AVL9: variants seen among roughly 807,000 people sequenced by gnomAD.
The protein encoded by AVL9 is AVL9 cell migration associated.
A neutral mutation model predicts 79.2 loss-of-function variants in AVL9; 49 were observed. That is an observed-to-expected ratio of 0.62 (90% confidence interval 0.49 to 0.79). AVL9 has a LOEUF of 0.79. Among genes scored for constraint, AVL9 ranks in the 30% least tolerant of loss-of-function variants. The pLI, the probability that AVL9 is intolerant of heterozygous loss-of-function variation, is 0.00. For synonymous variants in AVL9, 299 were observed against 280.6 expected (o/e 1.07, Z -0.65); for missense variants, 682 against 776.8 (o/e 0.88, Z 1.45).
chr7:32,531,633 A>G (rs2128128876), intron 1 of AVL9: 2 of 152,202 alleles, frequency 1.3e-5, no homozygotes, highest in Admixed American at 1.3e-4. Context: ...ACACGAGCGA[A>G]TGAGGTGGGA....
chr7:32,558,555 C>A lies in AVL9; in HGVS notation c.610-4C>A. 1 of 1,605,452 alleles carries A rather than the reference C, an allele frequency of 6.2e-7. No individual in the cohort carries two copies. Among genetic ancestry groups the A allele is most frequent in the Non-Finnish European group, 8.5e-7 (1 of 1,175,180 alleles). On this transcript the variant is annotated splice_region_variant and splice_polypyrimidine_tract_variant and intron_variant, in intron 8 of 15. Transcript: ENST00000318709. ...TAATTTGATTTTGATTGACTCCATT[C>A]CAGGTTCTTTTTTATATTTCTCCAG...
intron 8 of AVL9, among the ~76,000 whole-genome samples, chr7:32,556,289 T>C (rs1583570143): frequency 6.6e-6 from 1 of 151,974 alleles, no homozygotes; most frequent in Non-Finnish European, 1.5e-5. Context: ...CTAAGGTGGG[T>C]GATCACTTGA....
intron 1 of AVL9, among the ~76,000 whole-genome samples, chr7:32,522,347 C>T (rs2128124385): frequency 6.6e-6 from 1 of 152,322 alleles, no homozygotes; most frequent in East Asian, 1.9e-4. Context: ...TACCCAAGAC[C>T]ATGGGAACTC....
At chr7:32,548,066 A>G (rs1315085440) in intron 3 of AVL9, among the ~76,000 whole-genome samples, 1 of 152,224 alleles carries the variant, frequency 6.6e-6, no homozygotes, top group African/African-American at 2.4e-5. Flanking sequence ...GTGTCCAGGC[A>G]ACATGGAACA....
At chr7:32,517,494 C>T (rs757243455) in intron 1 of AVL9, among the ~76,000 whole-genome samples, 20 of 151,890 alleles carry the variant, frequency 1.3e-4, no homozygotes, top group East Asian at 1.2e-3. Flanking sequence ...TTAGTAGAGA[C>T]GGGGTTTCAC....
At chr7:32,497,654 T>A (rs1270525728) in intron 1 of AVL9, among the ~76,000 whole-genome samples, 1,538 of 54,554 alleles carry the variant, frequency 0.028, 29 homozygotes, top group African/African-American at 0.066. Flanking sequence ...CCATTAGTTC[T>A]TTTTTTTTTT....
At chr7:32,498,404 G>A (rs7793113) in intron 1 of AVL9, among the ~76,000 whole-genome samples, 111,778 of 151,890 alleles carry the variant, frequency 0.74, 41,396 homozygotes, top group South Asian at 0.85. Flanking sequence ...ATGCACCACC[G>A]TACCTGGCTA....
intron 3 of AVL9, among the ~76,000 whole-genome samples, chr7:32,548,151 C>CTTTTGTTTTCTTTTTGTTTTGT (rs71559236): frequency 7.6e-6 from 1 of 131,596 alleles, no homozygotes; most frequent in African/African-American, 3.1e-5. Context: ...TCTCTTTTTT[C>CTTTTGTTTTCTTTTTGTTTTGT]TTTTTTTTTT....
chr7:32,580,434 C>T (rs1041436806), intron 14 of AVL9, among the ~76,000 whole-genome samples, 162 bp downstream of exon 14: 20 of 152,142 alleles, frequency 1.3e-4, no homozygotes, highest in Non-Finnish European at 2.8e-4. Context: ...GTGTATGTTT[C>T]AAAGTGAGAA....
rs74624447 is a variant in AVL9 at position 32,560,879 on chromosome 7, A to T, written c.1215+1415A>T. On this transcript the variant is annotated intron_variant, in intron 10 of 15. Transcript: ENST00000318709. ...TGTGTTCCTAAGCATGAAAAACATT[A>T]ATCTCCTTGTACATCTTCATTAGAG... Among the ~76,000 whole-genome samples, 67 of 152,332 alleles carry T rather than the reference A, an allele frequency of 4.4e-4. No individual in the cohort carries two copies. The East Asian group carries it at 0.011, about 25-fold the overall frequency.
At chr7:32,534,552 G>A (rs950141688) in intron 1 of AVL9, 1 of 152,166 alleles carries the variant, frequency 6.6e-6, no homozygotes. Flanking sequence ...AGAATGAAGG[G>A]TGTAGGCCAG....
chr7:32,536,742 C>T (rs1218835447), intron 1 of AVL9: 1 of 152,174 alleles, frequency 6.6e-6, no homozygotes, highest in African/African-American at 2.4e-5. Context: ...ACTTTGCTAC[C>T]AATTCAGGGC....
rs1191859166 is a variant in AVL9, at chr7:32,568,184, A to C, written c.1216-1836A>C. Among the ~76,000 whole-genome samples, 3 of 149,220 alleles carry C rather than the reference A, an allele frequency of 2.0e-5. No individual in the cohort carries two copies. In the East Asian group the frequency reaches 5.9e-4, roughly 29 times the overall value. On this transcript the variant is annotated intron_variant, in intron 10 of 15. Coordinates refer to ENST00000318709, the MANE Select transcript of AVL9 (RefSeq NM_015060.3). ...CCAGCCCGCTTATTCTTTTTTTTAC[A>C]TCATATTCTTTTATTTATTTATTTT...
At chr7:32,513,203 C>T (rs1009063448) in intron 1 of AVL9, among the ~76,000 whole-genome samples, 1 of 152,034 alleles carries the variant, frequency 6.6e-6, no homozygotes, top group East Asian at 1.9e-4. Context: ...CTTTGTAAAC[C>T]AAAAATAAAA....
intron 1 of AVL9, among the ~76,000 whole-genome samples, chr7:32,499,828 T>G (rs1039091066): frequency 2.6e-5 from 4 of 152,212 alleles, no homozygotes; most frequent in Non-Finnish European, 4.4e-5. Flanking sequence ...CTCCCACTTA[T>G]GAGTGAGAAC....
chr7:32,503,507 G>C (rs1206106370), intron 1 of AVL9, among the ~76,000 whole-genome samples: 6 of 141,696 alleles, frequency 4.2e-5, no homozygotes, highest in Non-Finnish European at 9.1e-5. Flanking sequence ...GCAGTGAGCT[G>C]AGATCTTGCC....
At chr7:32,529,458 T>G in intron 1 of AVL9, among the ~76,000 whole-genome samples, 1 of 152,216 alleles carries the variant, frequency 6.6e-6, no homozygotes. Context: ...TTTGGTCTGG[T>G]TTATTAGTCC....
intron 6 of AVL9, 81 bp from the exon 7 acceptor site, chr7:32,553,646 T>G: frequency 1.0e-6 from 1 of 989,256 alleles, no homozygotes; most frequent in South Asian, 1.5e-5. Context: ...TAACCTTTCT[T>G]TCTGTTAAGG....
At chr7:32,544,306 C>T (rs759252243) in intron 2 of AVL9, among the ~76,000 whole-genome samples, 4 of 152,172 alleles carry the variant, frequency 2.6e-5, no homozygotes, top group African/African-American at 4.8e-5. Flanking sequence ...TACTATCTAA[C>T]ATCCAATCTG....
Sources: allele counts gnomAD v4.1 joint callset (sites outside exome capture counted in the v4.1 genomes callset), GRCh38; gene constraint gnomAD v4.1.1; transcripts MANE v1.5; gene names NCBI Gene and HGNC (gene_info 2026-07-23, HGNC 2026-07-21).